HOMER1: variants seen among roughly 807,000 people sequenced by gnomAD.
HOMER1 encodes homer protein homolog 1.
Under a neutral mutation model 48.9 loss-of-function variants are expected in HOMER1, and 3 were observed. The ratio of observed to expected loss-of-function variants is 0.06; its 90% CI spans 0.03 to 0.16. The LOEUF is 0.16. HOMER1 is among the 10% of genes least tolerant of loss of function. HOMER1 has a pLI of 1.00. For synonymous variants in HOMER1, 134 were observed against 146.4 expected (o/e 0.92, Z 0.61); for missense variants, 247 against 411.4 (o/e 0.60, Z 3.46).
At chr5:79,445,446 A>T (rs993479457) in intron 4 of HOMER1, among the ~76,000 whole-genome samples, 1 of 152,232 alleles carries the variant, frequency 6.6e-6, no homozygotes, top group Non-Finnish European at 1.5e-5. Flanking sequence ...AAAAGTACCA[A>T]AATGTAACTA....
intron 1 of HOMER1, among the ~76,000 whole-genome samples, chr5:79,471,111 G>C (rs1411417810): frequency 6.6e-6 from 1 of 152,092 alleles, no homozygotes; most frequent in African/African-American, 2.4e-5. Flanking sequence ...AAAGTGGGTT[G>C]GATGGTGAGT....
At chr5:79,388,490 G>C (rs1405773066) in intron 8 of HOMER1, among the ~76,000 whole-genome samples, 1 of 152,112 alleles carries the variant, frequency 6.6e-6, no homozygotes, top group Non-Finnish European at 1.5e-5. Flanking sequence ...CACTTGAGTA[G>C]ATGAATCTTC....
intron 1 of HOMER1, among the ~76,000 whole-genome samples, chr5:79,479,845 T>C (rs185924361): frequency 2.0e-5 from 3 of 152,224 alleles, no homozygotes; most frequent in African/African-American, 7.2e-5. Context: ...GAATGTTTAA[T>C]AGTGATAGAA....
At chr5:79,459,413 A>T (rs1395037343) in intron 1 of HOMER1, among the ~76,000 whole-genome samples, 1 of 152,220 alleles carries the variant, frequency 6.6e-6, no homozygotes, top group Non-Finnish European at 1.5e-5. Context: ...AGCAAATGCC[A>T]TTTGAATATC....
At position 79,375,049 on chromosome 5, in the gene HOMER1, C is replaced by T. The variant is rs978489633; in HGVS notation, c.*960G>A. The T allele has an allele frequency of 2.0e-5, 3 of 151,966 alleles. No homozygotes were observed. Among genetic ancestry groups the T allele is most frequent in the African/African-American group, 7.2e-5 (3 of 41,396 alleles). The allele number at this position is 151,966 out of a possible 1,614,324, so 9.4% of individuals were successfully genotyped here. A position where few individuals can be genotyped will look rare whatever the true frequency, so the allele number is the denominator to read the frequency against. On this transcript the variant is annotated 3_prime_UTR_variant, in exon 9 of 9. Transcript: ENST00000334082. ...TAAAATTATCTATAATAAACAGTTC[C>T]CCAATAACCATTATTATTCGTAAAT...
intron 1 of HOMER1, among the ~76,000 whole-genome samples, chr5:79,499,729 G>A (rs895452075): frequency 6.6e-6 from 1 of 152,060 alleles, no homozygotes; most frequent in Non-Finnish European, 1.5e-5. Flanking sequence ...GCAAATACAC[G>A]TAAAGATGCA....
At chr5:79,506,980 GAGGCAGGCAGATCACGAGGTC>G (rs1478605590) in intron 1 of HOMER1, among the ~76,000 whole-genome samples, 2 of 151,854 alleles carry the variant, frequency 1.3e-5, no homozygotes, top group Non-Finnish European at 2.9e-5. Flanking sequence ...TTGGGAGGCC[GAGGCAGGCAGATCACGAGGTC>G]AGGAGTTCGA....
chr5:79,409,036 C>A (rs1197727410), intron 5 of HOMER1, among the ~76,000 whole-genome samples: 2 of 141,818 alleles, frequency 1.4e-5, no homozygotes, highest in African/African-American at 5.5e-5. Context: ...GAGCCAAGAT[C>A]ATGCCACTGC....
intron 5 of HOMER1, among the ~76,000 whole-genome samples, chr5:79,436,660 G>A (rs1020588626): frequency 2.0e-5 from 3 of 152,080 alleles, no homozygotes; most frequent in Non-Finnish European, 4.4e-5. Context: ...AGAAAGCCAC[G>A]AATGGCCTAT....
intron 5 of HOMER1, among the ~76,000 whole-genome samples, chr5:79,414,969 G>A (rs1749905770): frequency 6.6e-6 from 1 of 152,170 alleles, no homozygotes; most frequent in Non-Finnish European, 1.5e-5. Context: ...AGGAAACACA[G>A]TGTTTAGAAG....
At chr5:79,468,256 A>G (rs770626577) in intron 1 of HOMER1, among the ~76,000 whole-genome samples, 3 of 152,210 alleles carry the variant, frequency 2.0e-5, no homozygotes, top group Non-Finnish European at 4.4e-5. Flanking sequence ...TTAAATATAT[A>G]TGGAACAACC....
At chr5:79,494,257 A>G (rs1038307671) in intron 1 of HOMER1, among the ~76,000 whole-genome samples, 5 of 152,202 alleles carry the variant, frequency 3.3e-5, no homozygotes, top group Non-Finnish European at 7.3e-5. Context: ...TCCTCAGCCC[A>G]GTTCTCTTTT....
rs1206790384 is a variant in HOMER1 at position 79,379,113 on chromosome 5, TAAAATATATAA to T, written c.877-2927_877-2917del. On this transcript the variant is annotated intron_variant, in intron 8 of 8. Transcript: ENST00000334082. ...ATATATATATATATATATATATATA[TAAAATATATAA>T]ATATTTATTTATATATAAAAATTAT... Among the ~76,000 whole-genome samples the T allele has an allele frequency of 4.3e-3, 374 of 87,680 alleles. 24 individuals carry two copies. Among genetic ancestry groups the T allele is most frequent in the African/African-American group, 0.017 (345 of 20,472 alleles). 57.5% of individuals were successfully genotyped at this position (87,680 alleles called of 152,430 possible). A position where few individuals can be genotyped will look rare whatever the true frequency, so the allele number is the denominator to read the frequency against.
chr5:79,420,659 G>C (rs559951090), intron 5 of HOMER1, among the ~76,000 whole-genome samples: 7 of 152,286 alleles, frequency 4.6e-5, no homozygotes, highest in African/African-American at 1.7e-4. Context: ...TGTTAAAACT[G>C]TAAAGGAAGT....
chr5:79,502,163 G>C (rs1245971193), intron 1 of HOMER1, among the ~76,000 whole-genome samples: 1 of 151,398 alleles, frequency 6.6e-6, no homozygotes, highest in Non-Finnish European at 1.5e-5. Flanking sequence ...GGGATTACAA[G>C]TGCACACCAC....
chr5:79,432,420 G>A (rs541363691), intron 5 of HOMER1, among the ~76,000 whole-genome samples: 1 of 152,260 alleles, frequency 6.6e-6, no homozygotes, highest in African/African-American at 2.4e-5. Context: ...AGAATCACTA[G>A]GAATGGATTG....
chr5:79,474,981 G>A (rs1751722289), intron 1 of HOMER1, among the ~76,000 whole-genome samples: 1 of 152,152 alleles, frequency 6.6e-6, no homozygotes, highest in South Asian at 2.1e-4. Flanking sequence ...TGTCCCAAAG[G>A]AGGGAAGCCA....
chr5:79,451,999 G>C (rs1037969362), intron 2 of HOMER1, among the ~76,000 whole-genome samples: 1 of 151,992 alleles, frequency 6.6e-6, no homozygotes, highest in African/African-American at 2.4e-5. Flanking sequence ...TAAATATAGA[G>C]GTGTTCCTTG....
chr5:79,496,713 T>C (rs1184292930), intron 1 of HOMER1, among the ~76,000 whole-genome samples: 1 of 152,034 alleles, frequency 6.6e-6, no homozygotes, highest in African/African-American at 2.4e-5. Flanking sequence ...GTTTCCAAAA[T>C]GAAATAAGAA....
Sources: gnomAD v4.1 joint callset for allele counts (sites outside exome capture counted in the v4.1 genomes callset) on GRCh38, gnomAD v4.1.1 for gene constraint, MANE v1.5 for transcripts, NCBI Gene and HGNC (gene_info 2026-07-23, HGNC 2026-07-21) for gene names.